ERI3: variants seen among roughly 807,000 people sequenced by gnomAD.
ERI3 encodes the protein ERI1 exoribonuclease 3.
ERI3 carries 18 observed loss-of-function variants against 44.4 expected under a neutral mutation model. The observed-to-expected ratio is 0.41, with a 90% CI of 0.28 to 0.60. The LOEUF (loss-of-function observed/expected upper bound fraction) is 0.60. ERI3 is among the 20% of genes least tolerant of loss of function. The pLI is 0.36. For synonymous variants in ERI3, 183 were observed against 164.8 expected, an observed-to-expected ratio of 1.11 and a Z score of -0.84; for missense variants, 294 against 435.5, an observed-to-expected ratio of 0.68 and a Z score of 2.89.
chr1:44,314,153 T>TGG (rs5773825), intron 4 of ERI3, among the ~76,000 whole-genome samples: 2,017 of 148,184 alleles, frequency 0.014, 14 homozygotes, highest in African/African-American at 0.021. Context: ...TAAAGTGTGT[T>TGG]GGGGGGGGGG....
chr1:44,274,873 C>G (rs577407652), intron 7 of ERI3, among the ~76,000 whole-genome samples: 1 of 152,144 alleles, frequency 6.6e-6, no homozygotes, highest in Non-Finnish European at 1.5e-5. Context: ...ATACCTAGTG[C>G]TCTATGCGTG....
At position 44,235,998 on chromosome 1, in the gene ERI3, G is replaced by A. The variant is rs898635077; in HGVS notation, c.931+11941C>T. Among the ~76,000 whole-genome samples, 7 of 152,242 alleles carry A rather than the reference G, an allele frequency of 4.6e-5. No individual in the cohort carries two copies. The highest frequency in any genetic ancestry group is 9.6e-5 in the African/African-American group (4 of 41,548). ...AATCCCTATTAATTTCAATACCGCCGCCTTGCCTGGCTCAGCTCCCAATGC... is the reference window on the plus strand; with the variant it reads ...AATCCCTATTAATTTCAATACCGCCACCTTGCCTGGCTCAGCTCCCAATGC... On this transcript the variant is annotated intron_variant, in intron 8 of 8. Transcript: ENST00000372257. The surrounding 1 kb of genome is among the most constrained non-coding windows in gnomAD (Gnocchi z 4.6).
At chr1:44,354,054 T>C (rs1247482333) in intron 1 of ERI3, 15 of 985,434 alleles carry the variant, frequency 1.5e-5, no homozygotes, top group African/African-American at 1.7e-5. Context: ...AAACAAGGCA[T>C]GCTGTATATG....
intron 6 of ERI3, among the ~76,000 whole-genome samples, chr1:44,300,717 T>C (rs1645705674): frequency 6.6e-6 from 1 of 152,148 alleles, no homozygotes; most frequent in Non-Finnish European, 1.5e-5. Flanking sequence ...TAGTGCCAGT[T>C]CTGGGCCCGG....
intron 4 of ERI3, among the ~76,000 whole-genome samples, chr1:44,313,500 G>T (rs1646017333): frequency 6.6e-6 from 1 of 152,100 alleles, no homozygotes; most frequent in African/African-American, 2.4e-5. Flanking sequence ...TTTCCACAAG[G>T]CATGTTCTCA....
chr1:44,337,317 C>A (rs1368046995), intron 3 of ERI3, among the ~76,000 whole-genome samples: 2 of 152,178 alleles, frequency 1.3e-5, no homozygotes, highest in African/African-American at 4.8e-5. Flanking sequence ...AGTCTCATGT[C>A]CCACTAGGGC....
chr1:44,330,518 C>T (rs1367823905), intron 3 of ERI3, among the ~76,000 whole-genome samples: 6 of 152,254 alleles, frequency 3.9e-5, no homozygotes, highest in African/African-American at 1.4e-4. Context: ...TTCTGATTTA[C>T]TTCCTTTCTG....
intron 8 of ERI3, among the ~76,000 whole-genome samples, chr1:44,231,501 G>C (rs978798499): frequency 2.6e-5 from 4 of 152,106 alleles, no homozygotes; most frequent in African/African-American, 9.7e-5. Flanking sequence ...AGCCTCCCGA[G>C]CAGCTGGGAC....
At position 44,310,771 on chromosome 1, in the gene ERI3, A is replaced by G. The variant is rs909624716; in HGVS notation, c.667-2370T>C. ...GGCTATAGCAGCTCTACCAACCAGA[A>G]TATCAGAGCTGCTCCCCGGTGCCAG... On this transcript the variant is annotated intron_variant, in intron 5 of 8. Coordinates refer to ENST00000372257, the MANE Select transcript of ERI3 (RefSeq NM_024066.3). Among the ~76,000 whole-genome samples, 21 of 152,156 alleles carry G rather than the reference A, an allele frequency of 1.4e-4. No homozygotes were observed. In the East Asian group the frequency reaches 3.9e-3, roughly 28 times the overall value.
At chr1:44,270,052 C>T (rs1309971254) in intron 7 of ERI3, among the ~76,000 whole-genome samples, 1 of 152,190 alleles carries the variant, frequency 6.6e-6, no homozygotes, top group Non-Finnish European at 1.5e-5. Flanking sequence ...CAGGACTGTG[C>T]TTCTGGCCTT....
rs545871485 is a variant in ERI3, at chr1:44,331,956, A to T, written c.489+7089T>A. Among the ~76,000 whole-genome samples the T allele has an allele frequency of 5.9e-5, 9 of 152,298 alleles. No homozygotes were observed. The East Asian group carries it at 1.3e-3, about 23-fold the overall frequency. ...AAGTACTTACCATGTCATGGTGGTT[A>T]TCATACAGCCTAATGGTTGTTACAC... On this transcript the variant is annotated intron_variant, in intron 3 of 8. Coordinates refer to ENST00000372257, the MANE Select transcript of ERI3 (RefSeq NM_024066.3).
At chr1:44,326,837 G>A (rs1646326066) in intron 3 of ERI3, among the ~76,000 whole-genome samples, 1 of 152,194 alleles carries the variant, frequency 6.6e-6, no homozygotes. Context: ...GCTGAAAATA[G>A]ACACTGCTAT....
At chr1:44,303,591 G>C (rs899880095) in intron 6 of ERI3, among the ~76,000 whole-genome samples, 1 of 152,118 alleles carries the variant, frequency 6.6e-6, no homozygotes, top group African/African-American at 2.4e-5. Flanking sequence ...ATGTGCTCCA[G>C]GAAAACAAAG....
chr1:44,236,217 A>G (rs1471423950), intron 8 of ERI3, among the ~76,000 whole-genome samples: 1 of 151,944 alleles, frequency 6.6e-6, no homozygotes. Flanking sequence ...GGCCATCTCA[A>G]CTCAATTTAA....
chr1:44,243,475 AG>A (rs1318923195), intron 8 of ERI3: 1 of 152,244 alleles, frequency 6.6e-6, no homozygotes, highest in African/African-American at 2.4e-5. Context: ...CCAAGTGCGT[AG>A]GGCCAGATCA....
In ERI3 at chr1:44,234,674, C is replaced by T. The variant is rs773181836; in HGVS notation, c.932-13034G>A. On this transcript the variant is annotated intron_variant, in intron 8 of 8. Coordinates refer to ENST00000372257, the MANE Select transcript of ERI3 (RefSeq NM_024066.3). ...ACTCTGTCTCAAAAAACAGCAACAGCAACAATAACAACAACAAACCCTTCA... is the reference window on the plus strand; with the variant it reads ...ACTCTGTCTCAAAAAACAGCAACAGTAACAATAACAACAACAAACCCTTCA... Among the ~76,000 whole-genome samples the T allele has an allele frequency of 9.9e-5, 15 of 152,034 alleles. 1 individual carries two copies. Among genetic ancestry groups the T allele is most frequent in the Non-Finnish European group, 2.2e-4 (15 of 68,002 alleles).
At position 44,242,181 on chromosome 1, in the gene ERI3, G is replaced by A. The variant is rs1212254546; in HGVS notation, c.931+5758C>T. ...AGAAAGAACTGGATGGGAGGGGGCA[G>A]TAGTGTACAGTAGTACTGTGCTCTG... is the stretch of plus-strand genomic sequence containing the variant. On this transcript the variant is annotated intron_variant, in intron 8 of 8. Coordinates refer to ENST00000372257, the MANE Select transcript of ERI3 (RefSeq NM_024066.3). 4 of 961,046 alleles carry A rather than the reference G, an allele frequency of 4.2e-6. No individual in the cohort carries two copies. In the East Asian group the frequency reaches 4.6e-4, roughly 110 times the overall value. 59.5% of individuals were successfully genotyped at this position (961,046 alleles called of 1,614,324 possible).
intron 6 of ERI3, among the ~76,000 whole-genome samples, chr1:44,304,467 T>A (rs1308502243): frequency 6.6e-6 from 1 of 151,888 alleles, no homozygotes; most frequent in African/African-American, 2.4e-5. Context: ...AAAGTACAGA[T>A]AAAGATGATT....
intron 2 of ERI3, among the ~76,000 whole-genome samples, chr1:44,346,290 C>T (rs990616416): frequency 6.6e-6 from 1 of 152,152 alleles, no homozygotes; most frequent in African/African-American, 2.4e-5. Context: ...TCAGGAACAC[C>T]AAATTCTGAG....
Sources: allele counts gnomAD v4.1 joint callset (sites outside exome capture counted in the v4.1 genomes callset), GRCh38; gene constraint gnomAD v4.1.1; non-coding constraint Gnocchi (gnomAD v3.1); transcripts MANE v1.5; gene names NCBI Gene and HGNC (gene_info 2026-07-23, HGNC 2026-07-21).